DNAAF11: variants seen among roughly 807,000 people sequenced by gnomAD.
DNAAF11 encodes leucine rich repeat containing 6.
A neutral mutation model predicts 60.8 loss-of-function variants in DNAAF11; 45 were observed. That is an observed-to-expected ratio of 0.74 (90% CI 0.58 to 0.95). The LOEUF is 0.95. Ranked by LOEUF, DNAAF11 falls within the 40% of genes least tolerant of loss-of-function variation. The probability of loss-of-function intolerance (pLI) is 0.00; values close to 1 mark genes in which losing one functional copy is unlikely to be tolerated. For synonymous variants in DNAAF11, 191 were observed against 183.5 expected (o/e 1.04, Z -0.33); for missense variants, 546 against 546.2 (o/e 1.00, Z 0.00).
intron 11 of DNAAF11, among the ~76,000 whole-genome samples, chr8:132,575,546 C>T (rs1283944898): frequency 1.3e-5 from 2 of 152,070 alleles, no homozygotes; most frequent in African/African-American, 4.8e-5. Context: ...CTACTTTGCA[C>T]CAGCGTGGCA....
chr8:132,601,955 T>C (rs1817669211), intron 10 of DNAAF11, among the ~76,000 whole-genome samples: 1 of 151,914 alleles, frequency 6.6e-6, no homozygotes, highest in Non-Finnish European at 1.5e-5. Flanking sequence ...GCTAAATTCT[T>C]CCTTTATTCT....
At chr8:132,678,453 A>G (rs1825819696), upstream of DNAAF11, among the ~76,000 whole-genome samples, 1 of 152,190 alleles carries the variant, frequency 6.6e-6, no homozygotes, top group African/African-American at 2.4e-5. Flanking sequence ...TAAAACTGGA[A>G]CCTCAACTTT....
At chr8:132,702,283 CTAA>C in the DNAAF11 span, 3 of 152,162 alleles carry the variant, frequency 2.0e-5, no homozygotes, top group Non-Finnish European at 4.4e-5. Context: ...ATGAAGTTGA[CTAA>C]TAGGTCCAAT....
intron 10 of DNAAF11, among the ~76,000 whole-genome samples, chr8:132,603,535 T>C (rs1177376748): frequency 6.6e-6 from 1 of 151,452 alleles, no homozygotes; most frequent in Non-Finnish European, 1.5e-5. Context: ...GGACAAGGGA[T>C]GATCACCAGG....
At chr8:132,613,174 A>G (rs1227193411) in intron 8 of DNAAF11, among the ~76,000 whole-genome samples, 2 of 152,204 alleles carry the variant, frequency 1.3e-5, no homozygotes, top group African/African-American at 4.8e-5. Flanking sequence ...ATTGACAGGA[A>G]TTCTGTGGAG....
intron 9 of DNAAF11, among the ~76,000 whole-genome samples, chr8:132,610,778 T>C (rs1818579895): frequency 1.3e-5 from 2 of 152,182 alleles, no homozygotes; most frequent in African/African-American, 2.4e-5. Flanking sequence ...TCCAACTACA[T>C]ATGGTCAGCA....
intron 7 of DNAAF11, among the ~76,000 whole-genome samples, chr8:132,617,286 G>C (rs998910247): frequency 2.0e-5 from 3 of 152,122 alleles, no homozygotes; most frequent in African/African-American, 7.2e-5. Context: ...GTTTGTTATA[G>C]GGCACCCAAA....
chr8:132,595,189 T>G (rs1471059611), intron 10 of DNAAF11, among the ~76,000 whole-genome samples: 1 of 151,916 alleles, frequency 6.6e-6, no homozygotes, highest in Non-Finnish European at 1.5e-5. Context: ...GAAATGCTCT[T>G]GGCAGAAAAA....
At chr8:132,642,622 C>T (rs1219841443) in intron 3 of DNAAF11, among the ~76,000 whole-genome samples, 5 of 152,172 alleles carry the variant, frequency 3.3e-5, no homozygotes, top group Non-Finnish European at 5.9e-5. Flanking sequence ...CCTGGAGAAT[C>T]GTAAAGGCAG....
Position 132,656,811 on chromosome 8 carries a change from A to G in DNAAF11, c.256+19T>C, listed in dbSNP as rs201517869. Reference sequence around the variant, plus strand: ...CTCAATTTTAATTCATAATAGCATAATAGAAGAAACAGTCTTACCTTCCAA... The same window carrying G: ...CTCAATTTTAATTCATAATAGCATAGTAGAAGAAACAGTCTTACCTTCCAA... On this transcript the variant is annotated intron_variant, in intron 3 of 11. Transcript: ENST00000620350. 9.4e-7 allele frequency: 1 copy of G among 1,062,186 alleles called. No homozygotes were observed. Among genetic ancestry groups the G allele is most frequent in the Non-Finnish European group, 1.4e-6 (1 of 700,298 alleles). 65.8% of individuals were successfully genotyped at this position (1,062,186 alleles called of 1,614,324 possible). A position where few individuals can be genotyped will look rare whatever the true frequency, so the allele number is the denominator to read the frequency against.
chr8:132,666,183 A>G (rs1586739822), intron 1 of DNAAF11, among the ~76,000 whole-genome samples: 1 of 152,118 alleles, frequency 6.6e-6, no homozygotes, highest in South Asian at 2.1e-4. Context: ...TGAAGCTCAG[A>G]CCCCAGCCAT....
intron 4 of DNAAF11, among the ~76,000 whole-genome samples, chr8:132,637,317 G>A (rs1821402507): frequency 6.6e-6 from 1 of 152,180 alleles, no homozygotes; most frequent in African/African-American, 2.4e-5. Context: ...ACCAAAGACT[G>A]TGAACCTGCC....
intron 3 of DNAAF11, among the ~76,000 whole-genome samples, chr8:132,645,783 G>GA (rs772154078): frequency 6.6e-6 from 1 of 151,534 alleles, no homozygotes; most frequent in Non-Finnish European, 1.5e-5. Context: ...GAGAAGTTTA[G>GA]AAAAAAAAGA....
intron 10 of DNAAF11, 151 bp from the exon 11 acceptor site, chr8:132,583,930 C>T (rs1815611723): frequency 1.6e-6 from 1 of 620,484 alleles, no homozygotes; most frequent in Non-Finnish European, 2.8e-6. Flanking sequence ...CCCCTATATG[C>T]AGTGTAGAGA....
upstream of DNAAF11, among the ~76,000 whole-genome samples, chr8:132,678,919 G>C (rs909725186): frequency 2.6e-5 from 4 of 152,192 alleles, no homozygotes; most frequent in Middle Eastern, 3.4e-3. Context: ...TGGGACTCAA[G>C]TATTCTGTTC....
chr8:132,605,999 G>T (rs750378099), intron 10 of DNAAF11, among the ~76,000 whole-genome samples: 1 of 152,138 alleles, frequency 6.6e-6, no homozygotes, highest in African/African-American at 2.4e-5. Context: ...AATAAAATGG[G>T]AAGAGTAACT....
chr8:132,610,396 T>C lies in DNAAF11; in HGVS notation c.1045-135A>G, dbSNP rs1818544572. 15 of 616,258 alleles carry C rather than the reference T, an allele frequency of 2.4e-5. No individual in the cohort carries two copies. The South Asian group carries it at 3.0e-4, about 12-fold the overall frequency. The allele number at this position is 616,258 out of a possible 1,614,324, so 38.2% of individuals were successfully genotyped here. A position where few individuals can be genotyped will look rare whatever the true frequency, so the allele number is the denominator to read the frequency against. ...ATGTGCTTAAGCTTATTAAAAATAT[T>C]GATATGAGCTATGCTTTCTATGCAC... is the stretch of plus-strand genomic sequence containing the variant. On this transcript the variant is annotated intron_variant, in intron 9 of 11. Transcript: ENST00000620350.
chr8:132,578,102 T>C (rs984998989), intron 11 of DNAAF11, among the ~76,000 whole-genome samples: 5 of 152,176 alleles, frequency 3.3e-5, no homozygotes, highest in African/African-American at 1.2e-4. Flanking sequence ...ATTTGTGTTT[T>C]AAGTATATAT....
chr8:132,671,284 C>T (rs11998266), intron 1 of DNAAF11, among the ~76,000 whole-genome samples: 24,041 of 152,092 alleles, frequency 0.16, 2,906 homozygotes, highest in African/African-American at 0.34. Flanking sequence ...TCAACACTTA[C>T]AATGGCATCA....
Sources: allele counts gnomAD v4.1 joint callset (sites outside exome capture counted in the v4.1 genomes callset), GRCh38; gene constraint gnomAD v4.1.1; transcripts MANE v1.5; gene names NCBI Gene and HGNC (gene_info 2026-07-23, HGNC 2026-07-21).